Variants in FGF14 observed in about 807,000 individuals in gnomAD.
FGF14 encodes the protein fibroblast growth factor homologous factor 4.
FGF14 carries 5 observed loss-of-function variants against 25.5 expected under a neutral mutation model. That is an observed-to-expected ratio of 0.20 (90% CI 0.10 to 0.41). FGF14 has a LOEUF of 0.41. Ranked by LOEUF, FGF14 falls within the 10% of genes least tolerant of loss-of-function variation. FGF14 has a pLI of 1.00. For synonymous variants in FGF14, 138 were observed against 118.3 expected, an observed-to-expected ratio of 1.17 and a Z score of -1.08; for missense variants, 222 against 320.1, an observed-to-expected ratio of 0.69 and a Z score of 2.34.
At chr13:101,909,715 C>T (rs900534348) in intron 1 of FGF14, among the ~76,000 whole-genome samples, 5 of 152,112 alleles carry the variant, frequency 3.3e-5, no homozygotes, top group African/African-American at 9.7e-5. Flanking sequence ...CTAGAAATAC[C>T]ATTTGACCCA....
At chr13:102,304,696 C>T (rs1019767392) in intron 1 of FGF14, among the ~76,000 whole-genome samples, 1 of 152,170 alleles carries the variant, frequency 6.6e-6, no homozygotes, top group Non-Finnish European at 1.5e-5. Context: ...AGCCAGTGAT[C>T]ATGTCATGAG....
chr13:101,957,353 C>T (rs1407362161), intron 1 of FGF14, among the ~76,000 whole-genome samples: 1 of 152,026 alleles, frequency 6.6e-6, no homozygotes, highest in Non-Finnish European at 1.5e-5. Context: ...TAAAGAGACA[C>T]TATATATGTT....
intron 4 of FGF14, 141 bp from the exon 5 acceptor site, chr13:101,723,108 TC>T: frequency 1.0e-6 from 1 of 979,256 alleles, no homozygotes; most frequent in Non-Finnish European, 1.6e-6. Flanking sequence ...GAGACAGAAT[TC>T]CTGTTGTAAA....
chr13:102,364,477 C>T (rs2057653738), intron 1 of FGF14, among the ~76,000 whole-genome samples: 1 of 152,168 alleles, frequency 6.6e-6, no homozygotes, highest in Non-Finnish European at 1.5e-5. Context: ...TTTCAAATTC[C>T]AGCCCTCCCA....
chr13:101,943,829 AT>A (rs2035621900), intron 1 of FGF14, among the ~76,000 whole-genome samples: 1 of 133,450 alleles, frequency 7.5e-6, no homozygotes, highest in African/African-American at 3.4e-5. Context: ...AAAAAAAAAT[AT>A]ATATATATAT....
chr13:102,339,713 AT>A (rs542636273), intron 1 of FGF14, among the ~76,000 whole-genome samples: 2 of 152,342 alleles, frequency 1.3e-5, no homozygotes, highest in Admixed American at 6.5e-5. Context: ...AGAAAAAGAC[AT>A]TTTTAGACAT....
At chr13:102,079,377 T>G (rs1485303427) in intron 1 of FGF14, among the ~76,000 whole-genome samples, 1 of 152,172 alleles carries the variant, frequency 6.6e-6, no homozygotes, top group African/African-American at 2.4e-5. Flanking sequence ...CCAGAGGAAA[T>G]CATATTAAAG....
At chr13:101,806,133 A>G (rs1317587494) in intron 3 of FGF14, among the ~76,000 whole-genome samples, 1 of 152,018 alleles carries the variant, frequency 6.6e-6, no homozygotes, top group Non-Finnish European at 1.5e-5. Flanking sequence ...GCATTAATGA[A>G]AAATATGGCC....
chr13:102,312,257 C>T (rs1441836082), intron 1 of FGF14, among the ~76,000 whole-genome samples: 1 of 148,808 alleles, frequency 6.7e-6, no homozygotes, highest in African/African-American at 2.5e-5. Context: ...TCTGCTTGCT[C>T]ATTTAAATGA....
chr13:102,138,096 C>G (rs924654268), intron 1 of FGF14, among the ~76,000 whole-genome samples: 2 of 151,292 alleles, frequency 1.3e-5, no homozygotes, highest in Non-Finnish European at 2.9e-5. Context: ...CATGTTTTAT[C>G]TCGGGACTCA....
intron 1 of FGF14, among the ~76,000 whole-genome samples, chr13:102,335,571 C>T (rs2056766892): frequency 1.3e-5 from 2 of 151,836 alleles, no homozygotes; most frequent in South Asian, 4.2e-4. Flanking sequence ...AGAAAGAGAC[C>T]AAGAAGGTGC....
rs2035035115 is a variant in FGF14, at chr13:101,722,096, T to C, written c.*735A>G. ...ATAGAGAGCTTCCCTGGATTGTGTT[T>C]GAGCCATTTCCCACCCAGGCAATGC... On this transcript the variant is annotated 3_prime_UTR_variant, in exon 5 of 5. Transcript: ENST00000376143. 6.5e-6 allele frequency: 1 copy of C among 153,506 alleles called. No individual in the cohort carries two copies. The highest frequency in any genetic ancestry group is 2.4e-5 in the African/African-American group (1 of 41,444). The allele number at this position is 153,506 out of a possible 1,614,324, so 9.5% of individuals were successfully genotyped here.
intron 3 of FGF14, among the ~76,000 whole-genome samples, chr13:101,787,939 T>C (rs1329961066): frequency 1.3e-5 from 2 of 152,186 alleles, no homozygotes; most frequent in Non-Finnish European, 2.9e-5. Context: ...TGGCAGGATT[T>C]CACCTCACTG....
At chr13:102,095,541 C>A (rs2044354737) in intron 1 of FGF14, among the ~76,000 whole-genome samples, 1 of 152,106 alleles carries the variant, frequency 6.6e-6, no homozygotes, top group Non-Finnish European at 1.5e-5. Context: ...CATAAAGTTG[C>A]ACTAAATGTG....
intron 3 of FGF14, among the ~76,000 whole-genome samples, chr13:101,808,605 T>C (rs1000148869): frequency 5.3e-5 from 8 of 152,152 alleles, no homozygotes; most frequent in African/African-American, 1.9e-4. Flanking sequence ...AATGAAAATA[T>C]GACGTGGTAG....
intron 3 of FGF14, among the ~76,000 whole-genome samples, chr13:101,781,473 T>C (rs1307666331): frequency 6.6e-6 from 1 of 152,196 alleles, no homozygotes; most frequent in Non-Finnish European, 1.5e-5. Flanking sequence ...CTTTCAATTG[T>C]TGCATTTTCT....
At chr13:102,075,131 A>T (rs2043306204) in intron 1 of FGF14, among the ~76,000 whole-genome samples, 1 of 152,226 alleles carries the variant, frequency 6.6e-6, no homozygotes, top group East Asian at 1.9e-4. Flanking sequence ...GAAAAAATTA[A>T]ATCAGCCCTG....
chr13:101,777,718 C>G (rs2039215900), intron 3 of FGF14, among the ~76,000 whole-genome samples: 1 of 152,122 alleles, frequency 6.6e-6, no homozygotes, highest in African/African-American at 2.4e-5. Flanking sequence ...CCTTTAAACC[C>G]CAAAATGCCG....
At chr13:101,876,799 G>GA (rs1300856359) in intron 1 of FGF14, among the ~76,000 whole-genome samples, 7 of 151,870 alleles carry the variant, frequency 4.6e-5, no homozygotes, top group South Asian at 2.1e-4. Flanking sequence ...TGCACTAGTG[G>GA]AAAAAAAATA....
Sources: allele counts gnomAD v4.1 joint callset (sites outside exome capture counted in the v4.1 genomes callset), GRCh38; gene constraint gnomAD v4.1.1; transcripts MANE v1.5; gene names NCBI Gene and HGNC (gene_info 2026-07-23, HGNC 2026-07-21).